Variants in SND1 observed in about 807,000 individuals in gnomAD.
SND1 encodes staphylococcal nuclease domain-containing protein 1.
SND1 carries 38 observed loss-of-function variants against 121.7 expected under a neutral mutation model. The ratio of observed to expected loss-of-function variants is 0.31; its 90% CI spans 0.24 to 0.41. The LOEUF is 0.41. SND1 is among the 10% of genes least tolerant of loss of function. The probability of loss-of-function intolerance (pLI) is 1.00; values close to 1 mark genes in which losing one functional copy is unlikely to be tolerated. For synonymous variants in SND1, 401 were observed against 447.4 expected (o/e 0.90, Z 1.31); for missense variants, 868 against 1,184.6 (o/e 0.73, Z 3.92).
intron 16 of SND1, among the ~76,000 whole-genome samples, chr7:128,006,046 C>T (rs1802966125): frequency 1.3e-5 from 2 of 152,310 alleles, no homozygotes; most frequent in South Asian, 4.1e-4. Flanking sequence ...CTTCATGAGC[C>T]TTCAAGTAGT....
intron 11 of SND1, among the ~76,000 whole-genome samples, chr7:127,813,546 T>TTTG (rs575148903): frequency 2.1e-3 from 316 of 152,180 alleles, no homozygotes; most frequent in South Asian, 3.9e-3. Flanking sequence ...AAGTGTGTTA[T>TTTG]TTGTTGTTGT....
At chr7:127,768,042 C>T (rs1797451237) in intron 10 of SND1, among the ~76,000 whole-genome samples, 2 of 152,108 alleles carry the variant, frequency 1.3e-5, no homozygotes, top group Admixed American at 1.3e-4. Context: ...CCTGTCAGCC[C>T]CTGGTAAAAC....
intron 14 of SND1, among the ~76,000 whole-genome samples, chr7:127,924,052 G>C (rs1412393620): frequency 1.3e-5 from 2 of 151,670 alleles, no homozygotes; most frequent in African/African-American, 2.4e-5. Context: ...GTTAAGATTG[G>C]TTAGACCCAG....
At chr7:127,887,028 G>A (rs1414194542) in intron 12 of SND1, among the ~76,000 whole-genome samples, 7 of 151,640 alleles carry the variant, frequency 4.6e-5, no homozygotes, top group Non-Finnish European at 8.8e-5. Flanking sequence ...TTTTGAGATA[G>A]GGCCTCATTC....
chr7:127,816,026 A>G (rs1276427570), intron 11 of SND1, among the ~76,000 whole-genome samples: 3 of 152,150 alleles, frequency 2.0e-5, no homozygotes, highest in Non-Finnish European at 4.4e-5. Flanking sequence ...ACCAGCTGAC[A>G]GTTGGTGTGG....
chr7:127,835,228 CAT>C (rs1271733834), intron 11 of SND1, among the ~76,000 whole-genome samples: 2 of 152,156 alleles, frequency 1.3e-5, no homozygotes, highest in Admixed American at 1.3e-4. Flanking sequence ...TTCCTCTCAT[CAT>C]AGTTTCATTA....
At chr7:127,872,628 GCACACACACACACACACACACACA>G (rs56324746) in intron 12 of SND1, among the ~76,000 whole-genome samples, 1 of 139,844 alleles carries the variant, frequency 7.2e-6, no homozygotes, top group Non-Finnish European at 1.6e-5. Context: ...TAACACACAC[GCACACACACACACACACACACACA>G]CACACACACA....
intron 12 of SND1, among the ~76,000 whole-genome samples, chr7:127,887,638 GA>G (rs910838762): frequency 2.1e-5 from 3 of 143,014 alleles, no homozygotes; most frequent in African/African-American, 5.4e-5. Context: ...GCTTTTTACA[GA>G]TTTTTTTTTT....
At chr7:127,774,505 C>T (rs1172015046) in intron 10 of SND1, among the ~76,000 whole-genome samples, 2 of 152,170 alleles carry the variant, frequency 1.3e-5, no homozygotes, top group African/African-American at 4.8e-5. Context: ...CCCAAATTAA[C>T]TTCCCTTGTT....
intron 7 of SND1, among the ~76,000 whole-genome samples, chr7:127,704,084 G>A (rs1796149620): frequency 6.6e-6 from 1 of 152,262 alleles, no homozygotes; most frequent in Non-Finnish European, 1.5e-5. Context: ...GGTTCTTTAT[G>A]TTCTTATAGT....
chr7:127,987,676 T>TA (rs1200402931), intron 15 of SND1, among the ~76,000 whole-genome samples: 1 of 152,220 alleles, frequency 6.6e-6, no homozygotes, highest in African/African-American at 2.4e-5. Flanking sequence ...CTTCTGTCTT[T>TA]ACACCTCAGT....
rs1795820142 is a variant in SND1, at chr7:127,686,743, C to G, written c.209C>G (p.Ala70Gly). 1 of 1,614,040 alleles carries G rather than the reference C, an allele frequency of 6.2e-7. No homozygotes were observed. Among genetic ancestry groups the G allele is most frequent in the Admixed American group, 1.7e-5 (1 of 59,998 alleles). The change falls in exon 2 of 24, where the codon GCA becomes GGA. Residue 70 changes from alanine (A) to glycine (G), a missense_variant. This residue lies in a region of SND1 where 125 missense variants were observed against 113.3 expected (regional missense o/e 1.10). Transcript: ENST00000354725. ...ARRAAATQPD[A>G]KDTPDEPWAF... Reference sequence around the variant, plus strand: ...CGGGCAGCCGCCACACAACCTGATGCAAAGGATACCCCTGATGAGGTAGGT... The same window carrying G: ...CGGGCAGCCGCCACACAACCTGATGGAAAGGATACCCCTGATGAGGTAGGT...
intron 10 of SND1, among the ~76,000 whole-genome samples, chr7:127,793,709 C>T (rs935713418): frequency 6.6e-6 from 1 of 152,104 alleles, no homozygotes; most frequent in Non-Finnish European, 1.5e-5. Context: ...GATCAAGGCA[C>T]CAGTCTCACG....
intron 12 of SND1, among the ~76,000 whole-genome samples, chr7:127,845,019 G>A (rs925504837): frequency 1.3e-5 from 2 of 152,168 alleles, no homozygotes; most frequent in African/African-American, 4.8e-5. Flanking sequence ...GTCCCCAATA[G>A]CAATTCTTAC....
chr7:127,989,988 T>G (rs1317275728), intron 15 of SND1, among the ~76,000 whole-genome samples: 1 of 152,090 alleles, frequency 6.6e-6, no homozygotes, highest in African/African-American at 2.4e-5. Context: ...ATCCTGTGGT[T>G]GGATACAAAA....
chr7:127,894,781 G>A (rs1454285220), intron 13 of SND1, among the ~76,000 whole-genome samples: 1 of 151,218 alleles, frequency 6.6e-6, no homozygotes, highest in Non-Finnish European at 1.5e-5. Context: ...GCATGTGATG[G>A]CTTTGCATTC....
intron 11 of SND1, among the ~76,000 whole-genome samples, chr7:127,843,436 T>C (rs1006169463): frequency 1.3e-5 from 2 of 152,222 alleles, no homozygotes; most frequent in African/African-American, 4.8e-5. Context: ...CAACCACTGA[T>C]ATTTTTATTG....
At chr7:128,090,366 C>G (rs1793756908) in intron 22 of SND1, among the ~76,000 whole-genome samples, 1 of 152,202 alleles carries the variant, frequency 6.6e-6, no homozygotes, top group Non-Finnish European at 1.5e-5. Flanking sequence ...CAAGGCAGCC[C>G]CTTCCACCCA....
At chr7:127,842,138 G>A (rs1321383263) in intron 11 of SND1, among the ~76,000 whole-genome samples, 2 of 152,098 alleles carry the variant, frequency 1.3e-5, no homozygotes, top group African/African-American at 2.4e-5. Context: ...GGATTTTAAC[G>A]GTGCTCACTA....
Sources: allele counts gnomAD v4.1 joint callset (sites outside exome capture counted in the v4.1 genomes callset), GRCh38; gene constraint gnomAD v4.1.1; regional missense constraint gnomAD v4.1.1; transcripts MANE v1.5; gene names NCBI Gene and HGNC (gene_info 2026-07-23, HGNC 2026-07-21).